Variants in PID1 observed in about 807,000 individuals in gnomAD.
The protein encoded by PID1 is phosphotyrosine interaction domain containing 1.
PID1 carries 10 observed loss-of-function variants against 19.1 expected under a neutral mutation model. That is an observed-to-expected ratio of 0.52 (90% CI 0.32 to 0.89). The LOEUF (loss-of-function observed/expected upper bound fraction) is 0.89. Among genes scored for constraint, PID1 ranks in the 40% least tolerant of loss-of-function variants. PID1 has a pLI of 0.03. For synonymous variants in PID1, 130 were observed against 116.0 expected (o/e 1.12, Z -0.78); for missense variants, 248 against 285.3 (o/e 0.87, Z 0.94).
intron 2 of PID1, among the ~76,000 whole-genome samples, chr2:229,145,155 GTA>G (rs5839309): frequency 0.45 from 53,498 of 119,182 alleles, 10,944 homozygotes; most frequent in Admixed American, 0.57. Context: ...ATATGTATGT[GTA>G]TATATATATA....
chr2:229,105,734 C>T (rs1469040618), intron 2 of PID1, among the ~76,000 whole-genome samples: 4 of 152,206 alleles, frequency 2.6e-5, no homozygotes, highest in Non-Finnish European at 5.9e-5. Flanking sequence ...AACTGAGACC[C>T]AGGGAAGTCC....
chr2:229,115,777 C>G (rs1695398316), intron 2 of PID1, among the ~76,000 whole-genome samples: 1 of 152,108 alleles, frequency 6.6e-6, no homozygotes, highest in African/African-American at 2.4e-5. Flanking sequence ...TTTGTTAAGG[C>G]CTTGAACTTG....
intron 2 of PID1, among the ~76,000 whole-genome samples, chr2:229,140,850 C>A (rs1689996745): frequency 6.6e-6 from 1 of 151,912 alleles, no homozygotes; most frequent in Non-Finnish European, 1.5e-5. Context: ...AGCGATTTAG[C>A]CTATGTATTA....
chr2:229,232,054 T>C (rs1389523427), intron 1 of PID1: 6 of 1,541,134 alleles, frequency 3.9e-6, no homozygotes, highest in East Asian at 2.4e-5. Context: ...AGGCTGAACA[T>C]GGCACGAAGC....
At chr2:229,149,970 G>C (rs1480694555) in intron 2 of PID1, among the ~76,000 whole-genome samples, 2 of 152,154 alleles carry the variant, frequency 1.3e-5, no homozygotes, top group African/African-American at 4.8e-5. Flanking sequence ...CTGGGTGGTG[G>C]CTCAGGTCTA....
intron 1 of PID1, among the ~76,000 whole-genome samples, chr2:229,186,530 C>T (rs534089550): frequency 1.4e-3 from 220 of 152,348 alleles, no homozygotes; most frequent in Non-Finnish European, 1.9e-3. Flanking sequence ...TTTCACCCTC[C>T]GAAGCCACAG....
At chr2:229,202,920 C>G (rs1265257439) in intron 1 of PID1, among the ~76,000 whole-genome samples, 1 of 152,040 alleles carries the variant, frequency 6.6e-6, no homozygotes. Flanking sequence ...TTTTGGATTT[C>G]AGGCCTCTTT....
intron 2 of PID1, among the ~76,000 whole-genome samples, chr2:229,043,584 T>C (rs1020536894): frequency 1.3e-5 from 2 of 152,214 alleles, no homozygotes; most frequent in Non-Finnish European, 2.9e-5. Flanking sequence ...CTTGCACTGG[T>C]GCAAAAGTTT....
At chr2:229,252,095 G>C (rs1435079250) in intron 1 of PID1, among the ~76,000 whole-genome samples, 1 of 151,752 alleles carries the variant, frequency 6.6e-6, no homozygotes, top group Non-Finnish European at 1.5e-5. Flanking sequence ...CACTGAAAAA[G>C]GAAGATGGAA....
At chr2:229,109,331 T>A (rs1481151575) in intron 2 of PID1, among the ~76,000 whole-genome samples, 1 of 152,154 alleles carries the variant, frequency 6.6e-6, no homozygotes, top group Non-Finnish European at 1.5e-5. Flanking sequence ...TATTTCTGTG[T>A]TCATGGCAAG....
chr2:229,268,814 G>A (rs548289998), intron 1 of PID1, among the ~76,000 whole-genome samples: 5 of 152,050 alleles, frequency 3.3e-5, no homozygotes, highest in African/African-American at 1.2e-4. Flanking sequence ...TCTATATCAC[G>A]GTGAAAGGAA....
At chr2:229,206,145 T>A (rs572934073) in intron 1 of PID1, among the ~76,000 whole-genome samples, 16 of 152,172 alleles carry the variant, frequency 1.1e-4, no homozygotes, top group African/African-American at 3.9e-4. Context: ...CTTGCCAAGG[T>A]AATTTTTGTT....
At chr2:229,070,082 C>A (rs1235040797) in intron 2 of PID1, among the ~76,000 whole-genome samples, 1 of 152,196 alleles carries the variant, frequency 6.6e-6, no homozygotes, top group Non-Finnish European at 1.5e-5. Flanking sequence ...GCCCTGCTCT[C>A]AGTTTGATAG....
At position 229,071,435 on chromosome 2, in the gene PID1, GCACTCTGTT is replaced by G. The variant is rs140657531; in HGVS notation, c.178-45336_178-45328del. The stretch of plus-strand genomic sequence containing the variant: ...TCTCTGAGCACATGCTAAGCGCCAA[GCACTCTGTT>G]AAGGACTCTGCACGCATTATGTCAT... On this transcript the variant is annotated intron_variant, in intron 2 of 2. Coordinates refer to ENST00000392055, the MANE Select transcript of PID1 (RefSeq NM_001100818.2). 4.8e-3 allele frequency among the ~76,000 whole-genome samples: 733 copies of G among 152,328 alleles called. 9 individuals carry two copies. The highest frequency in any genetic ancestry group is 0.014 in the East Asian group (73 of 5,194).
intron 2 of PID1, among the ~76,000 whole-genome samples, chr2:229,148,494 C>G (rs6436853): frequency 0.14 from 21,091 of 152,012 alleles, 1,761 homozygotes; most frequent in East Asian, 0.28. Flanking sequence ...CAAGGCTGAG[C>G]GTGGCTTAAG....
At chr2:229,066,159 C>T (rs1694322414) in intron 2 of PID1, among the ~76,000 whole-genome samples, 2 of 152,052 alleles carry the variant, frequency 1.3e-5, no homozygotes, top group South Asian at 2.1e-4. Flanking sequence ...AAAATGAGCA[C>T]AATAGGAGCC....
chr2:229,174,673 G>C (rs1574691297), intron 1 of PID1, among the ~76,000 whole-genome samples: 2 of 135,318 alleles, frequency 1.5e-5, no homozygotes, highest in South Asian at 4.5e-4. Context: ...GATTTTTTTT[G>C]CCCCTCCCCA....
chr2:229,123,390 A>G (rs1695561622), intron 2 of PID1, among the ~76,000 whole-genome samples: 1 of 152,188 alleles, frequency 6.6e-6, no homozygotes, highest in African/African-American at 2.4e-5. Context: ...AGACTATTTT[A>G]TGGACATACT....
chr2:229,257,604 C>A (rs188806887), intron 1 of PID1, among the ~76,000 whole-genome samples: 172 of 152,290 alleles, frequency 1.1e-3, no homozygotes, highest in African/African-American at 4.0e-3. Context: ...TCGACAGAGC[C>A]CCAGACTGGA....
Sources: gnomAD v4.1 joint callset for allele counts (sites outside exome capture counted in the v4.1 genomes callset) on GRCh38, gnomAD v4.1.1 for gene constraint, MANE v1.5 for transcripts, NCBI Gene and HGNC (gene_info 2026-07-23, HGNC 2026-07-21) for gene names.